Variants in FAM178B observed in about 807,000 individuals in gnomAD.
The protein encoded by FAM178B is family with sequence similarity 178 member B.
A neutral mutation model predicts 91.7 loss-of-function variants in FAM178B; 82 were observed. That is an observed-to-expected ratio of 0.89 (90% confidence interval 0.75 to 1.07). The LOEUF (loss-of-function observed/expected upper bound fraction) is 1.07. Ranked by LOEUF, FAM178B falls within the 50% of genes least tolerant of loss-of-function variation. The pLI, the probability that FAM178B is intolerant of heterozygous loss-of-function variation, is 0.00. For synonymous variants in FAM178B, 368 were observed against 359.4 expected (o/e 1.02, Z -0.27); for missense variants, 769 against 846.7 (o/e 0.91, Z 1.14).
rs117950963 is a variant in FAM178B at position 96,889,815 on chromosome 2, T to C, written c.1776+4111A>G. ...GGAGTATAATATGCAATAGCAGGTT[T>C]TGACAGCCAAAATATCAATAATCTC... On this transcript the variant is annotated intron_variant, in intron 14 of 16. Transcript: ENST00000490605. Among the ~76,000 whole-genome samples, 250 of 151,956 alleles carry C rather than the reference T, an allele frequency of 1.6e-3. 5 individuals are homozygous for C. In the East Asian group the frequency reaches 0.034, roughly 21 times the overall value.
At chr2:96,979,607 C>T (rs1031420827) in intron 1 of FAM178B, among the ~76,000 whole-genome samples, 10 of 152,110 alleles carry the variant, frequency 6.6e-5, no homozygotes, top group Non-Finnish European at 5.9e-5. Flanking sequence ...GTGCAAGTGT[C>T]GTTTTGATAT....
intron 14 of FAM178B, among the ~76,000 whole-genome samples, chr2:96,887,359 G>C (rs2080552323): frequency 6.6e-6 from 1 of 152,208 alleles, no homozygotes; most frequent in Non-Finnish European, 1.5e-5. Flanking sequence ...TTGAGCCACT[G>C]TATCTAGACA....
Position 96,885,045 on chromosome 2 carries a change from G to T in FAM178B, c.1777-6552C>A, listed in dbSNP as rs990910040. Among the ~76,000 whole-genome samples the T allele has an allele frequency of 5.3e-5, 8 of 152,238 alleles. No homozygotes were observed. In the East Asian group the frequency reaches 7.7e-4, roughly 15 times the overall value. On this transcript the variant is annotated intron_variant, in intron 14 of 16. Transcript: ENST00000490605. The stretch of plus-strand genomic sequence containing the variant: ...GCCAGAGAGCAGACGTCACTGGTGG[G>T]GCCTGCCAGGCAAGACACCCAATTC...
chr2:96,951,228 C>T (rs1278793512), intron 7 of FAM178B, 151 bp downstream of exon 7: 5 of 627,914 alleles, frequency 8.0e-6, no homozygotes, highest in Admixed American at 2.6e-5. Context: ...GATCGATGCC[C>T]AATCAGCTCT....
At chr2:96,890,300 A>AGC (rs2080640636) in intron 14 of FAM178B, among the ~76,000 whole-genome samples, 11 of 150,500 alleles carry the variant, frequency 7.3e-5, no homozygotes, top group Admixed American at 5.3e-4. Context: ...CAATCAAGCA[A>AGC]TATAAATAAA....
chr2:96,877,850 T>C, intron 16 of FAM178B, 40 bp downstream of exon 16: 1 of 1,597,126 alleles, frequency 6.3e-7, no homozygotes, highest in Non-Finnish European at 8.5e-7. Context: ...CCTGACCACT[T>C]CCCGCCCCTC....
chr2:96,928,148 C>T (rs1199587038), intron 9 of FAM178B, among the ~76,000 whole-genome samples: 1 of 152,166 alleles, frequency 6.6e-6, no homozygotes, highest in African/African-American at 2.4e-5. Context: ...AGAGGAACAT[C>T]TGCCCGCCGA....
chr2:96,881,375 T>C (rs1181391753), intron 14 of FAM178B, among the ~76,000 whole-genome samples: 1 of 151,422 alleles, frequency 6.6e-6, no homozygotes, highest in Non-Finnish European at 1.5e-5. Flanking sequence ...CCAAGGGTTA[T>C]CAGGGCCGTC....
chr2:96,883,841 C>T (rs1034178569), intron 14 of FAM178B, among the ~76,000 whole-genome samples: 4 of 152,202 alleles, frequency 2.6e-5, no homozygotes, highest in African/African-American at 9.7e-5. Flanking sequence ...CCTTTCCATG[C>T]TCACAGCCCT....
Position 96,876,327 on chromosome 2 carries a change from C to T in FAM178B, c.2008-19G>A, listed in dbSNP as rs368492559. 17 of 1,592,862 alleles carry T rather than the reference C, an allele frequency of 1.1e-5. No homozygotes were observed. The highest frequency in any genetic ancestry group is 2.7e-5 in the African/African-American group (2 of 74,776). ...ACTGGGCCTGCGGCGAGGAGAAAAG[C>T]AGGCTGTGAGGGCCTGGGCCCAGGT... On this transcript the variant is annotated intron_variant, in intron 16 of 16. Transcript: ENST00000490605.
At position 96,889,715 on chromosome 2, in the gene FAM178B, A is replaced by C. The variant is rs959807881; in HGVS notation, c.1776+4211T>G. Among the ~76,000 whole-genome samples the C allele has an allele frequency of 1.4e-3, 188 of 136,928 alleles. No individual in the cohort carries two copies. The Middle Eastern group carries it at 0.015, about 11-fold the overall frequency. The allele number at this position is 136,928 out of a possible 152,430, so 89.8% of individuals were successfully genotyped here. On this transcript the variant is annotated intron_variant, in intron 14 of 16. Transcript: ENST00000490605. ...AAATAAATAAATAAATAAATAAATA[A>C]ATAAATACAAAAAAAAATAGAGCAT...
intron 14 of FAM178B, among the ~76,000 whole-genome samples, chr2:96,885,437 G>A (rs548693419): frequency 6.6e-6 from 1 of 152,350 alleles, no homozygotes; most frequent in African/African-American, 2.4e-5. Context: ...TGGGGCCTGG[G>A]GCCTGGGCCC....
At position 96,951,430 on chromosome 2, in the gene FAM178B, G is replaced by A; in HGVS notation, c.942C>T (p.Leu314=). ...CCGGGCAGTCAGGCATGTGCAGGTA[G>A]AGGATGTTCAGGAGGCCACTGCGCA... ...SFLRSGLLNI[L]YLHMPDCPVS... The change falls in exon 7 of 17, where the codon CTC becomes CTT. Residue 314 remains leucine, a synonymous_variant. Transcript: ENST00000490605. The A allele has an allele frequency of 6.4e-7, 1 of 1,551,708 alleles. No homozygotes were observed. Among genetic ancestry groups the A allele is most frequent in the Non-Finnish European group, 8.7e-7 (1 of 1,146,974 alleles).
intron 8 of FAM178B, among the ~76,000 whole-genome samples, chr2:96,935,143 T>C (rs528256758): frequency 6.6e-6 from 1 of 151,650 alleles, no homozygotes; most frequent in South Asian, 2.1e-4. Flanking sequence ...TGGCTACAAA[T>C]AACAAAATGG....
chr2:96,937,356 A>C (rs1474578174), intron 8 of FAM178B, among the ~76,000 whole-genome samples: 1 of 152,142 alleles, frequency 6.6e-6, no homozygotes, highest in Non-Finnish European at 1.5e-5. Context: ...TTTGGGCTCC[A>C]CTGAGCTAGG....
chr2:96,916,529 A>G (rs1003912279), intron 12 of FAM178B, among the ~76,000 whole-genome samples: 6 of 152,224 alleles, frequency 3.9e-5, no homozygotes, highest in Non-Finnish European at 8.8e-5. Context: ...AGCTTTCAGT[A>G]GAGTGCAAGC....
chr2:96,902,059 C>T (rs538581193), intron 13 of FAM178B, among the ~76,000 whole-genome samples: 7 of 152,094 alleles, frequency 4.6e-5, no homozygotes, highest in Admixed American at 1.3e-4. Context: ...CTCAGCCTCC[C>T]AAAGTGCTGG....
chr2:96,938,057 C>T (rs1559084637), intron 8 of FAM178B, among the ~76,000 whole-genome samples: 1 of 151,968 alleles, frequency 6.6e-6, no homozygotes, highest in Non-Finnish European at 1.5e-5. Context: ...AAGTGCTCTC[C>T]GAGTTTAAGT....
At chr2:96,933,860 C>T (rs569535228) in intron 8 of FAM178B, among the ~76,000 whole-genome samples, 2 of 152,328 alleles carry the variant, frequency 1.3e-5, no homozygotes, top group East Asian at 3.9e-4. Context: ...AAGCAAGCTA[C>T]CCATCCCACT....
Sources: gnomAD v4.1 joint callset for allele counts (sites outside exome capture counted in the v4.1 genomes callset) on GRCh38, gnomAD v4.1.1 for gene constraint, MANE v1.5 for transcripts, NCBI Gene and HGNC (gene_info 2026-07-23, HGNC 2026-07-21) for gene names.